The following FUOM variants were observed in gnomAD, a reference collection of about 807,000 sequenced individuals.
FUOM encodes the protein fucose mutarotase, also known as protein fucU homolog.
In FUOM, 19 loss-of-function variants were observed where a neutral mutation model predicts 18.3. That is an observed-to-expected ratio of 1.04 (90% CI 0.73 to 1.53). The LOEUF (loss-of-function observed/expected upper bound fraction) is 1.53. Among genes scored for constraint, FUOM ranks in the 40% most tolerant of loss-of-function variants. The probability of loss-of-function intolerance (pLI) is 0.00; values close to 1 mark genes in which losing one functional copy is unlikely to be tolerated. For missense variants in FUOM, 210 were observed against 200.9 expected, an observed-to-expected ratio of 1.04 and a Z score of -0.27; for synonymous variants, 102 against 87.9, an observed-to-expected ratio of 1.16 and a Z score of -0.90.
At chr10:133,354,371 C>T (rs11101706), downstream of FUOM, among the ~76,000 whole-genome samples, 35,085 of 152,094 alleles carry the variant, frequency 0.23, 5,171 homozygotes, top group East Asian at 0.49. Context: ...ACATCTCAGC[C>T]GGGGTGGGCT....
intron 1 of FUOM, 74 bp downstream of exon 1, chr10:133,357,848 CG>C (rs1848861226): frequency 3.1e-6 from 4 of 1,308,542 alleles, no homozygotes; most frequent in African/African-American, 1.5e-5. Context: ...CTTCCCGGCC[CG>C]GGGGTCCCCG....
intron 2 of FUOM, 85 bp from the exon 3 acceptor site, chr10:133,357,098 T>TG (rs1282178912): frequency 1.4e-5 from 21 of 1,539,868 alleles, no homozygotes; most frequent in Non-Finnish European, 5.3e-6. Context: ...AGCATGGACT[T>TG]GGGGCCACGG....
At chr10:133,354,290 AG>A (rs1848728942), downstream of FUOM, among the ~76,000 whole-genome samples, 1 of 152,162 alleles carries the variant, frequency 6.6e-6, no homozygotes, top group Non-Finnish European at 1.5e-5. Context: ...ACCATCTGGG[AG>A]CAGCAGGCGG....
At chr10:133,357,318 C>A in intron 1 of FUOM, 63 bp from the exon 2 acceptor site, 2 of 1,471,546 alleles carry the variant, frequency 1.4e-6, no homozygotes, top group Non-Finnish European at 9.3e-7. Flanking sequence ...CGGCGCCGCC[C>A]GTCCTCCCAC....
Position 133,357,906 on chromosome 10 carries a change from C to T in FUOM, c.85+17G>A. ...TGTCCCGGGGTGCTCCCCGAGGCCC[C>T]GGCCCGCTGCGCTCACCGATCTCGT... On this transcript the variant is annotated intron_variant, in intron 1 of 5. Coordinates refer to ENST00000278025, the MANE Select transcript of FUOM (RefSeq NM_001098483.3). 1.3e-6 allele frequency: 2 copies of T among 1,518,302 alleles called. No individual in the cohort carries two copies. Among genetic ancestry groups the T allele is most frequent in the Non-Finnish European group, 1.8e-6 (2 of 1,137,018 alleles). The allele number at this position is 1,518,302 out of a possible 1,614,324, so 94.1% of individuals were successfully genotyped here. A position where few individuals can be genotyped will look rare whatever the true frequency, so the allele number is the denominator to read the frequency against.
intron 5 of FUOM, 151 bp from the exon 6 acceptor site, chr10:133,355,587 C>A: frequency 1.4e-5 from 23 of 1,594,514 alleles, no homozygotes; most frequent in Non-Finnish European, 1.9e-5. Flanking sequence ...GAAATTCCTC[C>A]CTGGTCTCTC....
At chr10:133,357,548 C>T in intron 1 of FUOM, 1 of 510,396 alleles carries the variant, frequency 2.0e-6, no homozygotes, top group Non-Finnish European at 3.5e-6. Flanking sequence ...CCGGCCGCCT[C>T]CCCAGGGGCC....
chr10:133,355,070 T>C, downstream of FUOM: 1 of 420,288 alleles, frequency 2.4e-6, no homozygotes, highest in Non-Finnish European at 4.3e-6. Flanking sequence ...CACTCAAGGT[T>C]CGTCAAGGGT....
At chr10:133,354,813 A>G (rs1195631001), downstream of FUOM, among the ~76,000 whole-genome samples, 1 of 152,118 alleles carries the variant, frequency 6.6e-6, no homozygotes, top group African/African-American at 2.4e-5. Flanking sequence ...CATGGCCCAC[A>G]CCGAGGCCTC....
At chr10:133,354,008 C>T (rs1276102173), downstream of FUOM, among the ~76,000 whole-genome samples, 1 of 150,374 alleles carries the variant, frequency 6.7e-6, no homozygotes, top group Non-Finnish European at 1.5e-5. Context: ...TTTTGTTTTG[C>T]CCATTACTTT....
downstream of FUOM, among the ~76,000 whole-genome samples, chr10:133,354,207 G>T (rs1848728186): frequency 6.6e-6 from 1 of 152,196 alleles, no homozygotes; most frequent in Non-Finnish European, 1.5e-5. Flanking sequence ...GAGATGAGCA[G>T]TGATTGGCCA....
chr10:133,357,249 G>A lies in FUOM; in HGVS notation c.92C>T (p.Ala31Val), dbSNP rs867250660. 1 of 1,577,896 alleles carries A rather than the reference G, an allele frequency of 6.3e-7. No individual in the cohort carries two copies. Among genetic ancestry groups the A allele is most frequent in the South Asian group, 1.2e-5 (1 of 86,182 alleles). Reference sequence around the variant, plus strand: ...GGAGGAGGCCGGGAAGTTCAAGTCCGCAAGAACTAAACAGCCGGGAGGACA... The same window carrying A: ...GGAGGAGGCCGGGAAGTTCAAGTCCACAAGAACTAAACAGCCGGGAGGACA... ...RMGHGDEIVL[A>V]DLNFPASSIC... The change falls in exon 2 of 6, where the codon GCG becomes GTG. Residue 31 changes from alanine to valine, a missense_variant. By Grantham distance (64) the Ala-to-Val change is moderately conservative. Transcript: ENST00000278025.
In FUOM at chr10:133,356,949, C is replaced by G. The variant is rs976239985; in HGVS notation, c.219G>C (p.Glu73Asp). Reference protein sequence around the residue: ...LKLLPLDTYVESPAAVMELVP... With the variant: ...LKLLPLDTYVDSPAAVMELVP... ...GGGGCGACTCAGCCCTCACCGGACT[C>G]TCCACATAGGTGTCCAGGGGCAGCA... Residue 73 changes from glutamate (E) to aspartate (D), a missense_variant, in exon 3 of 6, where the codon GAG (glutamate) becomes GAC (aspartate). Physicochemically the swap from Glu to Asp is conservative, Grantham distance 45. Transcript: ENST00000278025. The G allele has an allele frequency of 6.5e-7, 1 of 1,550,310 alleles. No individual in the cohort carries two copies.
intron 4 of FUOM, among the ~76,000 whole-genome samples, chr10:133,356,059 G>C (rs889272525): frequency 1.3e-5 from 2 of 152,214 alleles, no homozygotes; most frequent in Non-Finnish European, 2.9e-5. Flanking sequence ...GGGCCACCCA[G>C]ACAGCTCAGT....
At chr10:133,355,570 C>T (rs1374811605) in intron 5 of FUOM, 134 bp from the exon 6 acceptor site, 6 of 1,604,628 alleles carry the variant, frequency 3.7e-6, no homozygotes, top group Non-Finnish European at 5.1e-6. Context: ...GGGGGCCCTG[C>T]CCCCCCGAAA....
downstream of FUOM, among the ~76,000 whole-genome samples, chr10:133,354,543 C>A (rs926356003): frequency 6.6e-6 from 1 of 152,148 alleles, no homozygotes; most frequent in Admixed American, 6.5e-5. Context: ...GCCCCATCTT[C>A]TTCCTGTACC....
chr10:133,356,669 C>T lies in FUOM; in HGVS notation c.295G>A (p.Glu99Lys), dbSNP rs771533471. 1.6e-5 allele frequency: 26 copies of T among 1,598,874 alleles called. No homozygotes were observed. The highest frequency in any genetic ancestry group is 1.4e-5 in the Non-Finnish European group (16 of 1,171,736). ...CAGCCGGCCCTGCGTAGGATGGACT[C>T]GTACTCCGTCCACACTGGGGTCTGC... The part of the protein sequence containing the change: ...GLQTPVWTEY[E>K]SILRRAGCVR... Residue 99 changes from glutamate to lysine, a missense_variant, in exon 4 of 6, where the codon GAG becomes AAG. By Grantham distance (56) the Glu-to-Lys change is moderately conservative. Coordinates refer to ENST00000278025, the MANE Select transcript of FUOM (RefSeq NM_001098483.3).
rs1048359368 is a variant in FUOM at position 133,355,227 on chromosome 10, G to A, written c.*143C>T. The A allele has an allele frequency of 6.0e-6, 5 of 830,250 alleles. No homozygotes were observed. Among genetic ancestry groups the A allele is most frequent in the Non-Finnish European group, 9.1e-6 (5 of 546,582 alleles). The allele number at this position is 830,250 out of a possible 1,614,324, so 51.4% of individuals were successfully genotyped here. On this transcript the variant is annotated 3_prime_UTR_variant, in exon 6 of 6. Transcript: ENST00000278025. ...AGGGATACTCGTCCCAATTGGCAGG[G>A]CCCACCCCAAGACTGCCGGCCCCTA...
intron 4 of FUOM, among the ~76,000 whole-genome samples, chr10:133,356,353 G>A (rs1284820592): frequency 1.3e-5 from 2 of 152,220 alleles, no homozygotes; most frequent in African/African-American, 4.8e-5. Context: ...AGTCCCCCAG[G>A]CTCCACTCAC....
Sources: gnomAD v4.1 joint callset for allele counts (sites outside exome capture counted in the v4.1 genomes callset) on GRCh38, gnomAD v4.1.1 for gene constraint, MANE v1.5 for transcripts, NCBI Gene and HGNC (gene_info 2026-07-23, HGNC 2026-07-21) for gene names.